Variants in CADM2 observed in about 807,000 individuals in gnomAD.
The protein encoded by CADM2 is immunoglobulin superfamily member 4D.
A neutral mutation model predicts 49.8 loss-of-function variants in CADM2; 12 were observed. The ratio of observed to expected loss-of-function variants is 0.24; its 90% CI spans 0.15 to 0.39. The LOEUF is 0.39. CADM2 is among the 10% of genes least tolerant of loss of function. The probability of loss-of-function intolerance (pLI) is 1.00; values close to 1 mark genes in which losing one functional copy is unlikely to be tolerated. For synonymous variants in CADM2, 214 were observed against 175.4 expected (o/e 1.22, Z -1.74); for missense variants, 378 against 492.3 (o/e 0.77, Z 2.20).
intron 3 of CADM2, among the ~76,000 whole-genome samples, chr3:85,828,351 T>C (rs1402222888): frequency 6.6e-6 from 1 of 151,960 alleles, no homozygotes; most frequent in Non-Finnish European, 1.5e-5. Context: ...AAATAGATTT[T>C]TAAAATAGGA....
At chr3:85,024,696 G>A (rs1455360553) in intron 1 of CADM2, among the ~76,000 whole-genome samples, 4 of 150,630 alleles carry the variant, frequency 2.7e-5, no homozygotes, top group Non-Finnish European at 5.9e-5. Flanking sequence ...CTTATATGTA[G>A]TCGTCACTGA....
intron 1 of CADM2, among the ~76,000 whole-genome samples, chr3:85,189,755 G>A (rs1363574411): frequency 1.3e-5 from 2 of 152,138 alleles, no homozygotes; most frequent in Non-Finnish European, 2.9e-5. Context: ...CTACCATGAA[G>A]TTGTAACCAG....
At chr3:85,276,377 C>G (rs1049077845) in intron 1 of CADM2, among the ~76,000 whole-genome samples, 2 of 151,206 alleles carry the variant, frequency 1.3e-5, no homozygotes, top group African/African-American at 4.8e-5. Context: ...TTTTAAAAAT[C>G]CTTTGGATCA....
chr3:85,704,546 G>GCTCT (rs1388945737), intron 1 of CADM2, among the ~76,000 whole-genome samples: 1 of 152,008 alleles, frequency 6.6e-6, no homozygotes, highest in East Asian at 1.9e-4. Flanking sequence ...GAGAAAGCAA[G>GCTCT]CTCTCTACTG....
intron 7 of CADM2, among the ~76,000 whole-genome samples, chr3:85,942,004 G>A (rs570638209): frequency 6.6e-6 from 1 of 152,192 alleles, no homozygotes; most frequent in South Asian, 2.1e-4. Context: ...TCTTGTTCAA[G>A]TTATATGATC....
At chr3:85,298,217 G>A (rs1311715491) in intron 1 of CADM2, among the ~76,000 whole-genome samples, 1 of 152,058 alleles carries the variant, frequency 6.6e-6, no homozygotes, top group African/African-American at 2.4e-5. Context: ...TGCTACTGAT[G>A]CTTACAAATC....
intron 1 of CADM2, among the ~76,000 whole-genome samples, chr3:85,390,463 C>A (rs958233397): frequency 6.6e-6 from 1 of 152,050 alleles, no homozygotes; most frequent in Non-Finnish European, 1.5e-5. Context: ...CCAAAACTTT[C>A]TCTGAACTCT....
At chr3:85,592,313 A>G (rs2063128890) in intron 1 of CADM2, among the ~76,000 whole-genome samples, 1 of 151,970 alleles carries the variant, frequency 6.6e-6, no homozygotes, top group Non-Finnish European at 1.5e-5. Context: ...CTGAAGATGA[A>G]GTGATTCTCT....
chr3:85,581,149 C>T (rs538505062), intron 1 of CADM2, among the ~76,000 whole-genome samples: 1 of 152,044 alleles, frequency 6.6e-6, no homozygotes, highest in Non-Finnish European at 1.5e-5. Flanking sequence ...TGACTTTAAT[C>T]ACTTGAATTT....
chr3:85,155,601 C>A (rs567251790), intron 1 of CADM2, among the ~76,000 whole-genome samples: 10,254 of 151,840 alleles, frequency 0.068, 1,151 homozygotes, highest in African/African-American at 0.23. Context: ...TAATAGACAT[C>A]TACAGAACTC....
intron 2 of CADM2, among the ~76,000 whole-genome samples, chr3:85,761,370 T>A (rs962406235): frequency 1.5e-5 from 2 of 137,328 alleles, no homozygotes; most frequent in Non-Finnish European, 1.6e-5. Context: ...CACAAAACTT[T>A]TTTTTTTTTT....
intron 8 of CADM2, among the ~76,000 whole-genome samples, chr3:85,965,846 G>A (rs1476942487): frequency 2.0e-5 from 3 of 151,540 alleles, no homozygotes. Context: ...TGCTAATTCT[G>A]TTTTGTGATT....
At chr3:85,537,621 CATGACTATT>C in intron 1 of CADM2, among the ~76,000 whole-genome samples, 1 of 42,512 alleles carries the variant, frequency 2.4e-5, no homozygotes, top group Admixed American at 3.8e-4. Flanking sequence ...TTTAACATGT[CATGACTATT>C]TAACATGTCT....
intron 1 of CADM2, among the ~76,000 whole-genome samples, chr3:85,456,419 C>T (rs2037992194): frequency 6.6e-6 from 1 of 151,970 alleles, no homozygotes; most frequent in Non-Finnish European, 1.5e-5. Context: ...GAAGAAATGG[C>T]CATACAAAGA....
rs1468780676 is a variant in CADM2, at chr3:85,886,148, C to T, written c.392-42C>T. On this transcript the variant is annotated intron_variant, in intron 4 of 9. Coordinates refer to ENST00000383699, the MANE Select transcript of CADM2 (RefSeq NM_001167675.2). ...GTAATAGACATAATAACAAATCAAC[C>T]CTGAAGATTGATGCTCACTTCATCA... 3.1e-6 allele frequency: 5 copies of T among 1,603,786 alleles called. No homozygotes were observed. In the African/African-American group the frequency reaches 6.7e-5, roughly 21 times the overall value.
intron 1 of CADM2, among the ~76,000 whole-genome samples, chr3:85,017,996 T>G (rs2034326851): frequency 6.6e-6 from 1 of 152,200 alleles, no homozygotes; most frequent in South Asian, 2.1e-4. Flanking sequence ...CATATTTGAT[T>G]ACATAACAGA....
At position 85,152,017 on chromosome 3, in the gene CADM2, A is replaced by C. The variant is rs550584976; in HGVS notation, c.61+192349A>C. Among the ~76,000 whole-genome samples, 268 of 152,290 alleles carry C rather than the reference A, an allele frequency of 1.8e-3. 1 individual carries two copies. The highest frequency in any genetic ancestry group is 6.2e-3 in the African/African-American group (258 of 41,572). ...TCAAATATCAATTGATGATAGTTTCAGTATTTATCAAATTCTTAACAATCC... is the reference window on the plus strand; with the variant it reads ...TCAAATATCAATTGATGATAGTTTCCGTATTTATCAAATTCTTAACAATCC... On this transcript the variant is annotated intron_variant, in intron 1 of 9. Coordinates refer to ENST00000383699, the MANE Select transcript of CADM2 (RefSeq NM_001167675.2).
intron 1 of CADM2, among the ~76,000 whole-genome samples, chr3:85,050,353 C>A (rs1328339171): frequency 5.3e-5 from 8 of 151,990 alleles, no homozygotes; most frequent in Non-Finnish European, 1.2e-4. Flanking sequence ...ATAGAAAATA[C>A]CATAAAATAA....
intron 1 of CADM2, among the ~76,000 whole-genome samples, chr3:85,498,556 G>C (rs563116739): frequency 4.6e-5 from 7 of 152,288 alleles, no homozygotes; most frequent in African/African-American, 1.7e-4. Context: ...TAACACTGCT[G>C]TGAGGTTGAA....
Sources: gnomAD v4.1 joint callset for allele counts (sites outside exome capture counted in the v4.1 genomes callset) on GRCh38, gnomAD v4.1.1 for gene constraint, MANE v1.5 for transcripts, NCBI Gene and HGNC (gene_info 2026-07-23, HGNC 2026-07-21) for gene names.